The following CCND3 variants were observed in gnomAD, a reference collection of about 807,000 sequenced individuals.
CCND3 encodes the protein cyclin D3, also known as G1/S-specific cyclin-D3.
Under a neutral mutation model 28.7 loss-of-function variants are expected in CCND3, and 9 were observed. The observed-to-expected ratio is 0.31, with a 90% CI of 0.19 to 0.55. The LOEUF (loss-of-function observed/expected upper bound fraction) is 0.55, where lower values mean the gene tolerates loss of function less well. CCND3 is among the 20% of genes least tolerant of loss of function. CCND3 has a pLI of 0.93. For missense variants in CCND3, 315 were observed against 385.8 expected (o/e 0.82, Z 1.54); for synonymous variants, 164 against 163.9 (o/e 1.00, Z 0.00).
chr6:41,976,987 A>G (rs569194366), intron 1 of CCND3, among the ~76,000 whole-genome samples: 192 of 152,250 alleles, frequency 1.3e-3, no homozygotes, highest in African/African-American at 4.5e-3. Flanking sequence ...ACCGTACAAC[A>G]GTTGTAGCAG....
At chr6:42,034,182 T>C (rs1764128901) in intron 1 of CCND3, among the ~76,000 whole-genome samples, 2 of 150,342 alleles carry the variant, frequency 1.3e-5, no homozygotes, top group African/African-American at 4.9e-5. Flanking sequence ...AGCCTCGCTC[T>C]TGTTGCCCAG....
upstream of CCND3, among the ~76,000 whole-genome samples, chr6:41,942,304 G>A (rs1776059835): frequency 6.6e-6 from 1 of 152,164 alleles, no homozygotes; most frequent in African/African-American, 2.4e-5. Context: ...GGATTGGGAA[G>A]CTGGCCTTCT....
Position 41,935,779 on chromosome 6 carries a change from G to C in CCND3, c.*161C>G. 1.5e-6 allele frequency: 1 copy of C among 683,880 alleles called. No homozygotes were observed. Among genetic ancestry groups the C allele is most frequent in the Non-Finnish European group, 2.5e-6 (1 of 400,816 alleles). The allele number at this position is 683,880 out of a possible 1,614,324, so 42.4% of individuals were successfully genotyped here. Reference sequence around the variant, plus strand: ...CAGACATGGCTGGCCGGGCCCCTTAGTGCACACTGCGGGGATGGGTAGGAC... The same window carrying C: ...CAGACATGGCTGGCCGGGCCCCTTACTGCACACTGCGGGGATGGGTAGGAC... On this transcript the variant is annotated 3_prime_UTR_variant, in exon 5 of 5. Coordinates refer to ENST00000372991, the MANE Select transcript of CCND3 (RefSeq NM_001760.5).
chr6:41,941,501 C>T lies in CCND3; in HGVS notation c.149G>A (p.Arg50Gln), dbSNP rs1776018567. 2 of 1,608,588 alleles carry T rather than the reference C, an allele frequency of 1.2e-6. No individual in the cohort carries two copies. Among genetic ancestry groups the T allele is most frequent in the Non-Finnish European group, 1.7e-6 (2 of 1,178,952 alleles). Residue 50 changes from arginine to glutamine, a missense_variant, in exon 1 of 5, where the codon CGG (arginine) becomes CAG (glutamine). By Grantham distance (43) the Arg-to-Gln change is conservative. Coordinates refer to ENST00000372991, the MANE Select transcript of CCND3 (RefSeq NM_001760.5). This position sits in a 1 kb window ranked among gnomAD's most constrained non-coding sequence, Gnocchi z 6.1. ...CTTCCGCATGTGCGGCTTGATCTCC[C>T]GCTGCACGCACTGGAAGTAGGAGGC... ...PRASYFQCVQ[R>Q]EIKPHMRKML...
chr6:41,937,287 T>C lies in CCND3; in HGVS notation c.522A>G (p.Arg174=). The C allele has an allele frequency of 6.2e-7, 1 of 1,614,200 alleles. No homozygotes were observed. Among genetic ancestry groups the C allele is most frequent in the Non-Finnish European group, 8.5e-7 (1 of 1,180,046 alleles). ...ILHRLSLPRD[R]QALVKKHAQT... is the part of the protein sequence containing the mutation. ...GGGCATGCTTTTTGACCAAGGCCTG[T>C]CGGTCACGGGGCAGAGAGAGCCGGT... is the stretch of plus-strand genomic sequence containing the variant. Residue 174 remains arginine (R), a synonymous_variant, in exon 3 of 5, where the codon CGA becomes CGG. Transcript: ENST00000372991.
intron 1 of CCND3, among the ~76,000 whole-genome samples, chr6:42,014,461 C>G (rs1393109298): frequency 6.6e-6 from 1 of 152,210 alleles, no homozygotes; most frequent in Non-Finnish European, 1.5e-5. Context: ...AGTGTATAGT[C>G]TTTCAATCAG....
upstream of CCND3, among the ~76,000 whole-genome samples, chr6:42,049,376 A>G (rs1764658728): frequency 6.6e-6 from 1 of 152,018 alleles, no homozygotes; most frequent in African/African-American, 2.4e-5. Context: ...ACTGTGACAG[A>G]CTCTTTCTGT....
intron 1 of CCND3, among the ~76,000 whole-genome samples, chr6:42,045,077 T>A (rs1764503640): frequency 6.6e-6 from 1 of 151,922 alleles, no homozygotes; most frequent in South Asian, 2.1e-4. Flanking sequence ...GTGCTGGGAT[T>A]ACAGGCGTGA....
intron 1 of CCND3, among the ~76,000 whole-genome samples, chr6:42,042,257 G>A (rs1764388912): frequency 6.6e-6 from 1 of 152,184 alleles, no homozygotes; most frequent in Non-Finnish European, 1.5e-5. Flanking sequence ...ATGATATGGT[G>A]ATAATGACAG....
chr6:41,976,792 G>T (rs950925352), intron 1 of CCND3, among the ~76,000 whole-genome samples: 1 of 152,080 alleles, frequency 6.6e-6, no homozygotes, highest in African/African-American at 2.4e-5. Flanking sequence ...GCTCCTGGGG[G>T]CTAGATACCC....
chr6:41,976,055 A>T (rs528788515), intron 1 of CCND3, among the ~76,000 whole-genome samples: 25 of 152,120 alleles, frequency 1.6e-4, no homozygotes, highest in Admixed American at 6.6e-4. Flanking sequence ...AAAAAATTTT[A>T]AATTAGCTGG....
rs551311151 is a variant in CCND3 at position 41,967,231 on chromosome 6, T to A, written c.-45-26646A>T. Among the ~76,000 whole-genome samples the A allele has an allele frequency of 6.6e-5, 10 of 152,282 alleles. 2 individuals carry two copies. Among genetic ancestry groups the A allele is most frequent in the African/African-American group, 2.4e-4 (10 of 41,564 alleles). ...AAGGCGGAGGAGTGTCACCTTCCTATTCCCAGGGCAGCAGAGTCACCAAGG... is the reference window on the plus strand; with the variant it reads ...AAGGCGGAGGAGTGTCACCTTCCTAATCCCAGGGCAGCAGAGTCACCAAGG... On this transcript the variant is annotated intron_variant, in intron 1 of 4. Coordinates refer to the CCND3 transcript ENST00000372988.
At chr6:41,978,021 C>T (rs1258095207) in intron 1 of CCND3, among the ~76,000 whole-genome samples, 1 of 151,870 alleles carries the variant, frequency 6.6e-6, no homozygotes, top group African/African-American at 2.4e-5. Context: ...TGCCACTGCA[C>T]TCTAGCCTGG....
Position 42,026,008 on chromosome 6 carries a change from C to T in CCND3, c.-46+22493G>A, listed in dbSNP as rs1763865039. Among the ~76,000 whole-genome samples, 2 of 152,204 alleles carry T rather than the reference C, an allele frequency of 1.3e-5. 1 individual carries two copies. Among genetic ancestry groups the T allele is most frequent in the South Asian group, 4.1e-4 (2 of 4,830 alleles). On this transcript the variant is annotated intron_variant, in intron 1 of 4. Coordinates refer to the CCND3 transcript ENST00000372988. Reference sequence around the variant, plus strand: ...GCCTCTAGCCACATGGAGATTCCCACCTCCAGAGAAGAGCTCTACTACGTA... The same window carrying T: ...GCCTCTAGCCACATGGAGATTCCCATCTCCAGAGAAGAGCTCTACTACGTA...
intron 1 of CCND3, among the ~76,000 whole-genome samples, chr6:42,028,183 C>A (rs1437145288): frequency 6.6e-6 from 1 of 152,200 alleles, no homozygotes; most frequent in Non-Finnish European, 1.5e-5. Context: ...TGATGCTAAG[C>A]ATGGGAATAC....
chr6:42,018,074 G>A (rs1319669261), intron 1 of CCND3, among the ~76,000 whole-genome samples: 2 of 151,852 alleles, frequency 1.3e-5, no homozygotes, highest in Non-Finnish European at 2.9e-5. Context: ...CCTTGAACCT[G>A]GGAGGTGGAG....
At chr6:42,044,154 G>A (rs1050000841) in intron 1 of CCND3, among the ~76,000 whole-genome samples, 3 of 152,236 alleles carry the variant, frequency 2.0e-5, no homozygotes, top group Non-Finnish European at 4.4e-5. Flanking sequence ...ACCTGGGGAC[G>A]GGTGTATGCC....
chr6:41,982,909 A>T (rs1316777023), intron 1 of CCND3, among the ~76,000 whole-genome samples: 1 of 150,432 alleles, frequency 6.6e-6, no homozygotes, highest in Non-Finnish European at 1.5e-5. Flanking sequence ...AAAAGAATCT[A>T]GATACAGATC....
At chr6:41,940,624 TG>T in intron 1 of CCND3, 39 bp from the exon 2 acceptor site, 1 of 1,391,390 alleles carries the variant, frequency 7.2e-7, no homozygotes, top group East Asian at 2.5e-5. Flanking sequence ...GTCTGGAGCG[TG>T]GGGAACACAG....
Sources: allele counts gnomAD v4.1 joint callset (sites outside exome capture counted in the v4.1 genomes callset), GRCh38; gene constraint gnomAD v4.1.1; non-coding constraint Gnocchi (gnomAD v3.1); transcripts MANE v1.5; gene names NCBI Gene and HGNC (gene_info 2026-07-23, HGNC 2026-07-21).